Variants in GSTCD observed in about 807,000 individuals in gnomAD.
GSTCD encodes the protein glutathione S-transferase C-terminal domain-containing protein.
A neutral mutation model predicts 68.3 loss-of-function variants in GSTCD; 44 were observed. The observed-to-expected ratio is 0.64, with a 90% CI of 0.51 to 0.83. The LOEUF (loss-of-function observed/expected upper bound fraction) is 0.83. Among genes scored for constraint, GSTCD ranks in the 40% least tolerant of loss-of-function variants. The pLI is 0.00. For missense variants in GSTCD, 739 were observed against 735.9 expected (o/e 1.00, Z -0.05); for synonymous variants, 273 against 255.2 (o/e 1.07, Z -0.67).
chr4:105,717,398 C>T (rs573080633), intron 1 of GSTCD, among the ~76,000 whole-genome samples, 195 bp from the exon 2 acceptor site: 1 of 152,092 alleles, frequency 6.6e-6, no homozygotes, highest in African/African-American at 2.4e-5. Flanking sequence ...TCCTCTAATG[C>T]TAGTTAATTG....
At position 105,745,575 on chromosome 4, in the gene GSTCD, C is replaced by T. The variant is rs114468509; in HGVS notation, c.1240+16076C>T. ...AGTCCAGAGTCACCCTCTGTTTTTG[C>T]CTTGTGAATTTTTGTCCTCTGAGTA... On this transcript the variant is annotated intron_variant, in intron 5 of 11. Coordinates refer to ENST00000515279, the MANE Select transcript of GSTCD (RefSeq NM_001370181.1). Among the ~76,000 whole-genome samples, 1,305 of 152,194 alleles carry T rather than the reference C, an allele frequency of 8.6e-3. 18 individuals are homozygous for T. The highest frequency in any genetic ancestry group is 0.029 in the African/African-American group (1,207 of 41,534).
Position 105,719,278 on chromosome 4 carries a change from A to G in GSTCD, c.645A>G (p.Gly215=), listed in dbSNP as rs1732783572. The change falls in exon 3 of 12, where the codon GGA becomes GGG. Residue 215 remains glycine, a synonymous_variant. Transcript: ENST00000515279. ...GAGTTGGGCCTCCCCTTACTAAGGG[A>G]AAGGCAAAGAGCAAGGTCCACACAC... is the stretch of plus-strand genomic sequence containing the variant. ...ADGVGPPLTK[G]KAKSKVHTQE... 2 of 1,613,976 alleles carry G rather than the reference A, an allele frequency of 1.2e-6. No individual in the cohort carries two copies. Among genetic ancestry groups the G allele is most frequent in the Admixed American group, 1.7e-5 (1 of 59,964 alleles).
chr4:105,831,375 G>A (rs1421720434), intron 8 of GSTCD, among the ~76,000 whole-genome samples: 4 of 152,114 alleles, frequency 2.6e-5, no homozygotes, highest in Non-Finnish European at 5.9e-5. Flanking sequence ...GTTAATGTGG[G>A]GGCTGGGTCT....
At chr4:105,742,346 C>A (rs1329005201) in intron 5 of GSTCD, among the ~76,000 whole-genome samples, 2 of 152,100 alleles carry the variant, frequency 1.3e-5, no homozygotes, top group Admixed American at 1.3e-4. Flanking sequence ...GAATATTCTT[C>A]TTCCCACTCC....
At chr4:105,782,563 A>G (rs138663828) in intron 5 of GSTCD, among the ~76,000 whole-genome samples, 96 of 152,198 alleles carry the variant, frequency 6.3e-4, no homozygotes, top group African/African-American at 2.3e-3. Context: ...TGGCTTCATA[A>G]TATATAGGAA....
At chr4:105,776,165 A>C (rs144398730) in intron 5 of GSTCD, among the ~76,000 whole-genome samples, 2 of 152,158 alleles carry the variant, frequency 1.3e-5, no homozygotes, top group East Asian at 3.9e-4. Context: ...CCACCTACTC[A>C]AGCCTCGGTA....
chr4:105,743,234 C>A (rs183248581), intron 5 of GSTCD, among the ~76,000 whole-genome samples: 2 of 152,046 alleles, frequency 1.3e-5, no homozygotes, highest in South Asian at 2.1e-4. Flanking sequence ...ACAGGCATGA[C>A]CCACCGCACC....
At chr4:105,761,783 G>T (rs1734420527) in intron 5 of GSTCD, 1 of 152,184 alleles carries the variant, frequency 6.6e-6, no homozygotes, top group East Asian at 1.9e-4. Flanking sequence ...ATCTGTAGTT[G>T]TCAAGGGCTC....
chr4:105,826,421 G>A (rs75362598), intron 8 of GSTCD, among the ~76,000 whole-genome samples: 5,620 of 151,850 alleles, frequency 0.037, 152 homozygotes, highest in Middle Eastern at 0.059. Context: ...TAGTGTTGCT[G>A]CTATTTCTTA....
At chr4:105,833,299 T>A (rs1464856335) in intron 8 of GSTCD, among the ~76,000 whole-genome samples, 2 of 152,124 alleles carry the variant, frequency 1.3e-5, no homozygotes, top group East Asian at 3.9e-4. Flanking sequence ...ACCCCATCTC[T>A]ACTAAAAATA....
chr4:105,820,006 G>A (rs11723639), intron 5 of GSTCD, among the ~76,000 whole-genome samples: 6,774 of 151,798 alleles, frequency 0.045, 206 homozygotes, highest in Middle Eastern at 0.13. Context: ...TTATAAGTAA[G>A]TTATAACTTG....
intron 5 of GSTCD, among the ~76,000 whole-genome samples, chr4:105,729,904 C>T (rs1224211169): frequency 6.6e-6 from 1 of 152,124 alleles, no homozygotes; most frequent in Non-Finnish European, 1.5e-5. Flanking sequence ...TCCCCCTACC[C>T]CACAACAGGC....
chr4:105,747,734 A>G (rs1422157771), intron 5 of GSTCD, among the ~76,000 whole-genome samples: 1 of 152,156 alleles, frequency 6.6e-6, no homozygotes, highest in Non-Finnish European at 1.5e-5. Flanking sequence ...TAATGTAAAT[A>G]AAAATAATGG....
intron 5 of GSTCD, among the ~76,000 whole-genome samples, chr4:105,812,204 T>G (rs923507740): frequency 6.6e-6 from 1 of 152,204 alleles, no homozygotes; most frequent in Non-Finnish European, 1.5e-5. Context: ...AATCTTTGGT[T>G]CTGAGTTTCT....
At chr4:105,841,988 G>GT (rs1724362344) in intron 10 of GSTCD, 77 bp from the exon 11 acceptor site, 6 of 1,068,054 alleles carry the variant, frequency 5.6e-6, no homozygotes, top group South Asian at 2.6e-5. Flanking sequence ...AAATGAGGTA[G>GT]TTTTTTTGGT....
chr4:105,842,576 T>G (rs1321322719), intron 11 of GSTCD, among the ~76,000 whole-genome samples: 1 of 152,134 alleles, frequency 6.6e-6, no homozygotes, highest in Non-Finnish European at 1.5e-5. Context: ...TGAATTTGTT[T>G]GACAATATTA....
chr4:105,808,994 GAC>G (rs1722643681), intron 5 of GSTCD, among the ~76,000 whole-genome samples: 1 of 152,056 alleles, frequency 6.6e-6, no homozygotes. Context: ...TAATGATGCT[GAC>G]AGTTTGGATA....
intron 5 of GSTCD, among the ~76,000 whole-genome samples, chr4:105,764,645 C>A (rs1181997622): frequency 6.6e-6 from 1 of 152,130 alleles, no homozygotes; most frequent in Non-Finnish European, 1.5e-5. Flanking sequence ...TATAAGGACA[C>A]CAGTCCTGTC....
chr4:105,788,931 A>G (rs1735562767), intron 5 of GSTCD, among the ~76,000 whole-genome samples: 1 of 152,078 alleles, frequency 6.6e-6, no homozygotes, highest in Non-Finnish European at 1.5e-5. Context: ...GGATCTCCCC[A>G]TTAACAAGAC....
Sources: allele counts gnomAD v4.1 joint callset (sites outside exome capture counted in the v4.1 genomes callset), GRCh38; gene constraint gnomAD v4.1.1; transcripts MANE v1.5; gene names NCBI Gene and HGNC (gene_info 2026-07-23, HGNC 2026-07-21).